The following SNURF variants were observed in gnomAD, a reference collection of about 807,000 sequenced individuals.
SNURF encodes SNRPN upstream open reading frame.
A neutral mutation model predicts 11.6 loss-of-function variants in SNURF; 6 were observed. The observed-to-expected ratio is 0.52, with a 90% CI of 0.28 to 1.02. The LOEUF (loss-of-function observed/expected upper bound fraction) is 1.02, where lower values mean the gene tolerates loss of function less well. Among genes scored for constraint, SNURF ranks in the 50% least tolerant of loss-of-function variants. SNURF has a pLI of 0.09. For synonymous variants in SNURF, 29 were observed against 31.6 expected (o/e 0.92, Z 0.27); for missense variants, 84 against 88.4 (o/e 0.95, Z 0.20).
intron 3 of SNURF, chr15:24,975,033 C>A (rs1201837683): frequency 1.3e-5 from 9 of 699,546 alleles, no homozygotes; most frequent in African/African-American, 3.5e-5. Flanking sequence ...GAAAAGCAGT[C>A]TGGAGAGAGA....
chr15:24,962,635 A>G (rs1239137045), intron 2 of SNURF, among the ~76,000 whole-genome samples: 1 of 152,116 alleles, frequency 6.6e-6, no homozygotes, highest in Non-Finnish European at 1.5e-5. Flanking sequence ...TTTAAAATAC[A>G]TTTGTGTTTT....
chr15:24,976,197 A>G, intron 4 of SNURF: 1 of 844,836 alleles, frequency 1.2e-6, no homozygotes, highest in African/African-American at 1.7e-5. Flanking sequence ...ATAACTCAGT[A>G]AATGTTTAGC....
chr15:24,960,447 C>G (rs968068753), intron 1 of SNURF, among the ~76,000 whole-genome samples: 10 of 152,094 alleles, frequency 6.6e-5, no homozygotes, highest in African/African-American at 2.4e-4. Context: ...CTCAAGCGCC[C>G]TCTCACCTTA....
At chr15:24,971,175 A>C (rs189684875), downstream of SNURF, among the ~76,000 whole-genome samples, 1 of 152,264 alleles carries the variant, frequency 6.6e-6, no homozygotes, top group East Asian at 1.9e-4. Flanking sequence ...TAAAGTTTGA[A>C]AACTTGTGCT....
chr15:24,977,327 T>C (rs2077174528), intron 6 of SNURF, among the ~76,000 whole-genome samples: 2 of 152,144 alleles, frequency 1.3e-5, no homozygotes, highest in Admixed American at 6.5e-5. Flanking sequence ...GATGTCAGTG[T>C]ACTAAGATTA....
intron 1 of SNURF, among the ~76,000 whole-genome samples, chr15:24,959,112 A>G (rs2074360763): frequency 6.6e-6 from 1 of 152,136 alleles, no homozygotes; most frequent in Non-Finnish European, 1.5e-5. Flanking sequence ...TTGCTTTTCA[A>G]TATATTTCCG....
intron 3 of SNURF, chr15:24,974,800 C>T (rs890301793): frequency 4.7e-6 from 3 of 638,852 alleles, no homozygotes; most frequent in Non-Finnish European, 8.4e-6. Context: ...CTCTGGTGAT[C>T]CACCCACCTC....
At chr15:24,956,744 G>A (rs148509876) in intron 1 of SNURF, among the ~76,000 whole-genome samples, 157 of 152,340 alleles carry the variant, frequency 1.0e-3, no homozygotes, top group Admixed American at 1.8e-3. Context: ...CGCCTAGCAA[G>A]CTTGGCAGCC....
At chr15:24,968,193 C>A in exon 3 of SNURF, 2 of 681,182 alleles carry the variant, frequency 2.9e-6, no homozygotes, top group Non-Finnish European at 5.1e-6. Flanking sequence ...GAGCTTCATA[C>A]AATAAACACA....
chr15:24,975,368 A>G, exon 4 of SNURF: 1 of 1,613,690 alleles, frequency 6.2e-7, no homozygotes. Context: ...ACTGTTGGCA[A>G]GAGTAGCAAG....
chr15:24,956,431 T>G (rs561779070), intron 1 of SNURF, among the ~76,000 whole-genome samples: 1 of 152,096 alleles, frequency 6.6e-6, no homozygotes, highest in Non-Finnish European at 1.5e-5. Flanking sequence ...TTCTGCTGTT[T>G]CGGAGTTTCA....
intron 2 of SNURF, chr15:24,967,032 G>A (rs1465126880): frequency 6.6e-6 from 1 of 152,168 alleles, no homozygotes; most frequent in Non-Finnish European, 1.5e-5. Context: ...ATTTCAGGTA[G>A]TGACTTGTCA....
At chr15:24,966,776 A>G (rs1056183178) in intron 2 of SNURF, among the ~76,000 whole-genome samples, 2 of 152,182 alleles carry the variant, frequency 1.3e-5, no homozygotes, top group Non-Finnish European at 2.9e-5. Context: ...CTGAAAAACC[A>G]TAGAAAAAAG....
Position 24,976,512 on chromosome 15 carries a change from A to G in SNURF, c.*309+96A>G, listed in dbSNP as rs556268973. 147 of 855,788 alleles carry G rather than the reference A, an allele frequency of 1.7e-4. 1 individual carries two copies. The highest frequency in any genetic ancestry group is 7.0e-4 in the South Asian group (47 of 67,400). The allele number at this position is 855,788 out of a possible 1,614,324, so 53.0% of individuals were successfully genotyped here. Reference sequence around the variant, plus strand: ...CAGGGTAGAGCAGACACAGTTCAACATGGATTGTCAAATAAAATGTGCCAG... The same window carrying G: ...CAGGGTAGAGCAGACACAGTTCAACGTGGATTGTCAAATAAAATGTGCCAG... On this transcript the variant is annotated intron_variant and NMD_transcript_variant, in intron 5 of 6. Coordinates refer to the SNURF transcript ENST00000580062.
chr15:24,978,087 CTCTA>C, downstream of SNURF: 5 of 1,277,754 alleles, frequency 3.9e-6, no homozygotes, highest in Non-Finnish European at 5.5e-6. Context: ...AGTTATTTGA[CTCTA>C]TCATTGTTGT....
chr15:24,955,005 C>T lies in SNURF; in HGVS notation c.-44C>T, dbSNP rs781381799. On this transcript the variant is annotated 5_prime_UTR_variant, in exon 1 of 3. Transcript: ENST00000577949. Reference sequence around the variant, plus strand: ...GTCTGGCGCAGAGTGGAGCGGCCGCCGGAGATGCCTGACGCATCTGTCTGA... The same window carrying T: ...GTCTGGCGCAGAGTGGAGCGGCCGCTGGAGATGCCTGACGCATCTGTCTGA... The T allele has an allele frequency of 2.1e-5, 34 of 1,611,330 alleles. No homozygotes were observed. In the African/African-American group the frequency reaches 2.9e-4, roughly 14 times the overall value.
intron 2 of SNURF, among the ~76,000 whole-genome samples, chr15:24,963,399 A>G (rs2075144542): frequency 6.6e-6 from 1 of 152,002 alleles, no homozygotes; most frequent in African/African-American, 2.4e-5. Flanking sequence ...GGCGGATCAC[A>G]AGGTCAGGAG....
intron 5 of SNURF, chr15:24,976,430 A>AGG: frequency 1.3e-6 from 2 of 1,533,266 alleles, no homozygotes; most frequent in Non-Finnish European, 1.8e-6. Flanking sequence ...AGGAAGATGT[A>AGG]GGGCAGGACA....
At chr15:24,955,004 C>T in exon 1 of SNURF, 5 of 1,611,422 alleles carry the variant, frequency 3.1e-6, no homozygotes, top group South Asian at 1.1e-5. Flanking sequence ...GGAGCGGCCG[C>T]CGGAGATGCC....
Sources: allele counts gnomAD v4.1 joint callset (sites outside exome capture counted in the v4.1 genomes callset), GRCh38; gene constraint gnomAD v4.1.1; transcripts MANE v1.5; gene names NCBI Gene and HGNC (gene_info 2026-07-23, HGNC 2026-07-21).